Variants in DIAPH3 observed in about 807,000 individuals in gnomAD.
DIAPH3 encodes the protein protein diaphanous homolog 3.
In DIAPH3, 117 loss-of-function variants were observed where a neutral mutation model predicts 144.3. The observed-to-expected ratio is 0.81, with a 90% CI of 0.70 to 0.95. The LOEUF (loss-of-function observed/expected upper bound fraction) is 0.95. DIAPH3 is among the 40% of genes least tolerant of loss of function. The pLI is 0.00. For missense variants in DIAPH3, 1,421 were observed against 1,412.7 expected (o/e 1.01, Z -0.09); for synonymous variants, 519 against 488.9 (o/e 1.06, Z -0.81).
At chr13:59,838,812 T>C (rs1007889495) in intron 23 of DIAPH3, 1 of 154,604 alleles carries the variant, frequency 6.5e-6, no homozygotes, top group Non-Finnish European at 1.4e-5. Context: ...TAGAAATTAA[T>C]GATCATACAT....
At chr13:59,854,872 C>A (rs1044019123) in intron 22 of DIAPH3, among the ~76,000 whole-genome samples, 1 of 152,138 alleles carries the variant, frequency 6.6e-6, no homozygotes, top group African/African-American at 2.4e-5. Context: ...ACACTTTCAG[C>A]CTGTTAACCT....
rs371385068 is a variant in DIAPH3, at chr13:60,103,465, G to A, written c.390+8545C>T. On this transcript the variant is annotated intron_variant, in intron 3 of 27. Transcript: ENST00000400324. ...GCAAGTTGCTGAAGATGGTCAGGTG[G>A]AAGGATATTCAACCAAAAAGGAAAA... 3.3e-3 allele frequency among the ~76,000 whole-genome samples: 503 copies of A among 152,256 alleles called. 2 individuals carry two copies. The highest frequency in any genetic ancestry group is 0.011 in the African/African-American group (463 of 41,556).
intron 2 of DIAPH3, among the ~76,000 whole-genome samples, chr13:60,120,794 C>G (rs2058826259): frequency 6.6e-6 from 1 of 152,102 alleles, no homozygotes; most frequent in Non-Finnish European, 1.5e-5. Context: ...ATACTCCAGC[C>G]CCATCAAGGC....
chr13:60,058,305 A>T (rs1435064741), intron 4 of DIAPH3, among the ~76,000 whole-genome samples: 1 of 151,914 alleles, frequency 6.6e-6, no homozygotes, highest in Non-Finnish European at 1.5e-5. Flanking sequence ...CTCATCACCA[A>T]TCATCATGGA....
At chr13:59,950,014 T>C (rs1318734839) in intron 17 of DIAPH3, among the ~76,000 whole-genome samples, 4 of 152,202 alleles carry the variant, frequency 2.6e-5, no homozygotes, top group Non-Finnish European at 5.9e-5. Context: ...AGTCTCTTAA[T>C]TGACATTCCA....
At chr13:59,766,948 G>A (rs917574689) in intron 27 of DIAPH3, among the ~76,000 whole-genome samples, 2 of 152,052 alleles carry the variant, frequency 1.3e-5, no homozygotes, top group Non-Finnish European at 2.9e-5. Context: ...CATCCTTTTT[G>A]TACCTGGCCT....
Position 59,833,220 on chromosome 13 carries a change from C to G in DIAPH3, c.2914G>C (p.Glu972Gln). The change falls in exon 24 of 28, where the codon GAA becomes CAA. Residue 972 changes from glutamate (E) to glutamine (Q), a missense_variant. Physicochemically the swap from Glu to Gln is conservative, Grantham distance 29 (BLOSUM62 2). Coordinates refer to ENST00000400324, the MANE Select transcript of DIAPH3 (RefSeq NM_001042517.2). ...EQYETLSKLHENMEKLYQSII... is the reference protein window; with the variant it reads ...EQYETLSKLHQNMEKLYQSII... ...CTCTGGTATAACTTTTCCATGTTTT[C>G]GTGTAACTTCGAAAGTGTCTCATAT... 3.1e-6 allele frequency: 5 copies of G among 1,609,566 alleles called. No individual in the cohort carries two copies. The highest frequency in any genetic ancestry group is 4.2e-6 in the Non-Finnish European group (5 of 1,177,390).
intron 9 of DIAPH3, among the ~76,000 whole-genome samples, chr13:60,004,973 C>T (rs541662884): frequency 3.2e-4 from 48 of 152,182 alleles, no homozygotes; most frequent in African/African-American, 6.0e-4. Flanking sequence ...GGAAGGAAAA[C>T]ATTGCTCTAA....
chr13:59,940,705 A>C (rs1217919679), intron 17 of DIAPH3, among the ~76,000 whole-genome samples: 2 of 152,210 alleles, frequency 1.3e-5, no homozygotes, highest in African/African-American at 4.8e-5. Flanking sequence ...CTAATTAAAA[A>C]AAATCTCCAA....
chr13:59,782,298 G>A (rs1183811775), intron 25 of DIAPH3, among the ~76,000 whole-genome samples: 1 of 152,086 alleles, frequency 6.6e-6, no homozygotes, highest in African/African-American at 2.4e-5. Flanking sequence ...CACACAAGGT[G>A]GATTAGTGGT....
chr13:59,993,216 A>C (rs1345555168), intron 9 of DIAPH3, among the ~76,000 whole-genome samples: 2 of 151,914 alleles, frequency 1.3e-5, no homozygotes, highest in African/African-American at 4.8e-5. Context: ...TTAAATGATA[A>C]AAATTTTTAA....
At chr13:60,037,180 A>G (rs1249358107) in intron 5 of DIAPH3, among the ~76,000 whole-genome samples, 1 of 152,082 alleles carries the variant, frequency 6.6e-6, no homozygotes, top group African/African-American at 2.4e-5. Flanking sequence ...ATTAAATATC[A>G]TTTTTAAAAA....
intron 24 of DIAPH3, among the ~76,000 whole-genome samples, chr13:59,811,159 T>C (rs2040452913): frequency 6.6e-6 from 1 of 151,938 alleles, no homozygotes; most frequent in South Asian, 2.1e-4. Context: ...AACATCCACA[T>C]CTTGATGGAA....
rs748363644 is a variant in DIAPH3 at position 59,666,852 on chromosome 13, G to T, written c.3320-6C>A. ...CAACTGCACTTTCTGATTTTCTACA[G>T]TAAGGAAAAAAGAAACATAAAACTT... is the stretch of plus-strand genomic sequence containing the variant. On this transcript the variant is annotated splice_polypyrimidine_tract_variant and splice_region_variant and intron_variant, in intron 27 of 27. Coordinates refer to ENST00000400324, the MANE Select transcript of DIAPH3 (RefSeq NM_001042517.2). 7 of 1,613,954 alleles carry T rather than the reference G, an allele frequency of 4.3e-6. No individual in the cohort carries two copies. In the South Asian group the frequency reaches 7.7e-5, roughly 18 times the overall value.
chr13:60,132,892 C>T, intron 2 of DIAPH3, 65 bp downstream of exon 2: 1 of 1,348,458 alleles, frequency 7.4e-7, no homozygotes, highest in Non-Finnish European at 1.1e-6. Flanking sequence ...GTTAGCAGAG[C>T]ACACCATCAA....
chr13:60,028,928 A>G (rs571309078), intron 5 of DIAPH3, among the ~76,000 whole-genome samples: 13 of 151,976 alleles, frequency 8.6e-5, no homozygotes, highest in East Asian at 7.8e-4. Flanking sequence ...GTGTGGTGGC[A>G]TGCGCCTGTA....
At chr13:59,975,771 G>A (rs1442545175) in intron 14 of DIAPH3, among the ~76,000 whole-genome samples, 2 of 151,992 alleles carry the variant, frequency 1.3e-5, no homozygotes, top group Admixed American at 1.3e-4. Context: ...CTCAACCTGT[G>A]TTCCTTTATT....
At chr13:60,066,078 T>G (rs894248868) in intron 4 of DIAPH3, among the ~76,000 whole-genome samples, 1 of 152,298 alleles carries the variant, frequency 6.6e-6, no homozygotes, top group Admixed American at 6.5e-5. Flanking sequence ...AGTATAATTT[T>G]TAAGTGTCAT....
intron 21 of DIAPH3, among the ~76,000 whole-genome samples, chr13:59,867,261 G>A (rs1030318278): frequency 3.3e-5 from 5 of 150,926 alleles, no homozygotes; most frequent in African/African-American, 9.7e-5. Context: ...TCTCCACTGC[G>A]CTCCGGCATA....
Sources: gnomAD v4.1 joint callset for allele counts (sites outside exome capture counted in the v4.1 genomes callset) on GRCh38, gnomAD v4.1.1 for gene constraint, MANE v1.5 for transcripts, NCBI Gene and HGNC (gene_info 2026-07-23, HGNC 2026-07-21) for gene names.